Variants in REC114 observed in about 807,000 individuals in gnomAD.
The protein encoded by REC114 is REC114 meiotic recombination protein.
A neutral mutation model predicts 31.3 loss-of-function variants in REC114; 27 were observed. The ratio of observed to expected loss-of-function variants is 0.86; its 90% confidence interval spans 0.64 to 1.19. REC114 has a LOEUF of 1.19. Ranked by LOEUF, REC114 falls within the 50% of genes most tolerant of loss-of-function variation. The pLI is 0.00. For synonymous variants in REC114, 134 were observed against 127.7 expected (o/e 1.05, Z -0.33); for missense variants, 344 against 326.9 (o/e 1.05, Z -0.40).
intron 2 of REC114, among the ~76,000 whole-genome samples, chr15:73,475,763 CTTAA>C (rs1258586820): frequency 6.6e-6 from 1 of 151,864 alleles, no homozygotes; most frequent in East Asian, 1.9e-4. Flanking sequence ...ACAATACACA[CTTAA>C]TTAGGATAGT....
intron 1 of REC114, among the ~76,000 whole-genome samples, chr15:73,470,042 C>G (rs1893113016): frequency 6.6e-6 from 1 of 152,194 alleles, no homozygotes; most frequent in Non-Finnish European, 1.5e-5. Context: ...TTCTTGTAGG[C>G]AGCATATAGC....
intron 4 of REC114, among the ~76,000 whole-genome samples, chr15:73,553,182 ATCTTTT>A (rs1450653154): frequency 6.6e-6 from 1 of 152,192 alleles, no homozygotes; most frequent in East Asian, 1.9e-4. Context: ...TTATTATACA[ATCTTTT>A]TCTTTAAGCA....
At chr15:73,475,342 G>A (rs1324582565) in intron 2 of REC114, among the ~76,000 whole-genome samples, 1 of 152,144 alleles carries the variant, frequency 6.6e-6, no homozygotes, top group Non-Finnish European at 1.5e-5. Flanking sequence ...GGTGCATGTT[G>A]CATATACAGT....
At chr15:73,507,864 A>G (rs1284983828) in intron 2 of REC114, among the ~76,000 whole-genome samples, 1 of 152,130 alleles carries the variant, frequency 6.6e-6, no homozygotes, top group African/African-American at 2.4e-5. Context: ...AGTATGTTCA[A>G]TCTCAGTAGC....
At chr15:73,459,418 G>A (rs546981102) in intron 1 of REC114, among the ~76,000 whole-genome samples, 1 of 151,774 alleles carries the variant, frequency 6.6e-6, no homozygotes, top group South Asian at 2.1e-4. Context: ...TTTTTCAGTA[G>A]AGACGGTTTC....
intron 1 of REC114, among the ~76,000 whole-genome samples, chr15:73,452,358 A>G (rs991588438): frequency 2.0e-5 from 3 of 152,228 alleles, no homozygotes; most frequent in African/African-American, 7.2e-5. Flanking sequence ...ACAGAGAGCC[A>G]AATCATGAGT....
intron 3 of REC114, among the ~76,000 whole-genome samples, chr15:73,541,910 AATT>A (rs1178614977): frequency 2.0e-5 from 3 of 152,234 alleles, no homozygotes; most frequent in Non-Finnish European, 4.4e-5. Context: ...ACTCAAAAAT[AATT>A]ATTAATATTC....
At chr15:73,481,900 C>T (rs1032301604) in intron 2 of REC114, among the ~76,000 whole-genome samples, 1 of 151,962 alleles carries the variant, frequency 6.6e-6, no homozygotes, top group Non-Finnish European at 1.5e-5. Context: ...AGCTTGTGAT[C>T]TGCCCACCTC....
Position 73,499,681 on chromosome 15 carries a change from A to G in REC114, c.249+25760A>G, listed in dbSNP as rs186713009. Among the ~76,000 whole-genome samples the G allele has an allele frequency of 2.8e-3, 425 of 152,262 alleles. 7 individuals are homozygous for G. The Middle Eastern group carries it at 0.051, about 18-fold the overall frequency. ...GCTTCCAGTTTCTTCAAAGCTCCCAATCGCCTTAGAATAAAACCAGGCTTT... is the reference window on the plus strand; with the variant it reads ...GCTTCCAGTTTCTTCAAAGCTCCCAGTCGCCTTAGAATAAAACCAGGCTTT... On this transcript the variant is annotated intron_variant, in intron 2 of 5. Transcript: ENST00000331090.
chr15:73,490,754 G>T (rs1422836816), intron 2 of REC114, among the ~76,000 whole-genome samples: 1 of 152,022 alleles, frequency 6.6e-6, no homozygotes, highest in Non-Finnish European at 1.5e-5. Context: ...TTTGATAAAT[G>T]TATTCAACTA....
At chr15:73,513,721 G>T (rs1893810991) in intron 2 of REC114, among the ~76,000 whole-genome samples, 1 of 152,042 alleles carries the variant, frequency 6.6e-6, no homozygotes, top group South Asian at 2.1e-4. Context: ...GTGTCAGTGT[G>T]CCCCTGCTGG....
chr15:73,513,637 T>C (rs1333169674), intron 2 of REC114, among the ~76,000 whole-genome samples: 1 of 152,112 alleles, frequency 6.6e-6, no homozygotes. Flanking sequence ...TGGATGTCCT[T>C]TCTGTTTGTT....
chr15:73,520,836 C>A (rs1348303327), intron 2 of REC114, among the ~76,000 whole-genome samples: 1 of 152,138 alleles, frequency 6.6e-6, no homozygotes, highest in Non-Finnish European at 1.5e-5. Flanking sequence ...TAGAAATTAA[C>A]CCACACTTTC....
intron 1 of REC114, among the ~76,000 whole-genome samples, chr15:73,457,007 ATGT>A (rs139071427): frequency 1.0e-3 from 148 of 146,116 alleles, no homozygotes; most frequent in African/African-American, 3.6e-3. Context: ...TGCAGGCCTA[ATGT>A]TGTGAATTTT....
intron 1 of REC114, among the ~76,000 whole-genome samples, chr15:73,462,025 G>A (rs1217678855): frequency 2.1e-5 from 3 of 144,708 alleles, no homozygotes; most frequent in African/African-American, 5.1e-5. Context: ...TCTGCCGCCC[G>A]AGTTCAAGCG....
chr15:73,444,958 G>A (rs1394065760), intron 1 of REC114, among the ~76,000 whole-genome samples: 1 of 152,198 alleles, frequency 6.6e-6, no homozygotes, highest in Non-Finnish European at 1.5e-5. Context: ...CAGGTGCCTT[G>A]TCAATGAACA....
intron 2 of REC114, among the ~76,000 whole-genome samples, chr15:73,478,263 CAAAAAAA>C (rs57210193): frequency 7.4e-5 from 3 of 40,332 alleles, no homozygotes; most frequent in African/African-American, 1.7e-4. Context: ...GACTCTGTCT[CAAAAAAA>C]AAAAAAAAAA....
chr15:73,495,496 C>T (rs1173738232), intron 2 of REC114, among the ~76,000 whole-genome samples: 1 of 148,650 alleles, frequency 6.7e-6, no homozygotes, highest in Non-Finnish European at 1.5e-5. Context: ...AAATATTTTG[C>T]ACTGCCAGTC....
chr15:73,479,389 C>G (rs973764527), intron 2 of REC114, among the ~76,000 whole-genome samples: 3 of 151,496 alleles, frequency 2.0e-5, no homozygotes, highest in Non-Finnish European at 4.4e-5. Flanking sequence ...TGACTGTAGT[C>G]AAACGAATTA....
Sources: gnomAD v4.1 joint callset for allele counts (sites outside exome capture counted in the v4.1 genomes callset) on GRCh38, gnomAD v4.1.1 for gene constraint, MANE v1.5 for transcripts, NCBI Gene and HGNC (gene_info 2026-07-23, HGNC 2026-07-21) for gene names.